Variants in DNAH7 observed in about 807,000 individuals in gnomAD.
The protein encoded by DNAH7 is dynein axonemal heavy chain 7.
DNAH7 carries 397 observed loss-of-function variants against 444.6 expected under a neutral mutation model. The observed-to-expected ratio is 0.89, with a 90% confidence interval of 0.82 to 0.97. The LOEUF (loss-of-function observed/expected upper bound fraction) is 0.97, where lower values mean the gene tolerates loss of function less well. Ranked by LOEUF, DNAH7 falls within the 50% of genes least tolerant of loss-of-function variation. The pLI is 0.00. For missense variants in DNAH7, 4,902 were observed against 4,800.8 expected (o/e 1.02, Z -0.62); for synonymous variants, 1,636 against 1,624.4 (o/e 1.01, Z -0.17).
rs1053109465 is a variant in DNAH7 at position 195,815,237 on chromosome 2, A to G, written c.9761+1391T>C. On this transcript the variant is annotated intron_variant, in intron 51 of 64. Coordinates refer to ENST00000312428, the MANE Select transcript of DNAH7 (RefSeq NM_018897.3). ...ATTTCAGAACTGGAAGAAATAAACT[A>G]AACATTTTCAAATATCATAAAGATG... Among the ~76,000 whole-genome samples, 4 of 152,254 alleles carry G rather than the reference A, an allele frequency of 2.6e-5. No homozygotes were observed. The East Asian group carries it at 7.7e-4, about 29-fold the overall frequency.
chr2:195,824,082 C>A (rs919903675), intron 49 of DNAH7, among the ~76,000 whole-genome samples, 173 bp downstream of exon 49: 1 of 152,124 alleles, frequency 6.6e-6, no homozygotes, highest in African/African-American at 2.4e-5. Context: ...TTATTACTTA[C>A]ATGTACTCAC....
chr2:195,976,747 CAGAGAG>C (rs60653466), intron 15 of DNAH7, among the ~76,000 whole-genome samples: 4,087 of 90,562 alleles, frequency 0.045, 189 homozygotes, highest in African/African-American at 0.12. Flanking sequence ...GAGAGGCAGA[CAGAGAG>C]AGAGAGAGAG....
chr2:195,808,981 T>C, intron 52 of DNAH7, 105 bp from the exon 53 acceptor site: 1 of 959,126 alleles, frequency 1.0e-6, no homozygotes, highest in Non-Finnish European at 1.5e-6. Flanking sequence ...AAGTTTCAGA[T>C]GTGGTCTCTA....
chr2:196,049,332 C>T (rs990730885), intron 3 of DNAH7, among the ~76,000 whole-genome samples: 22 of 152,180 alleles, frequency 1.4e-4, no homozygotes, highest in African/African-American at 4.6e-4. Flanking sequence ...ATTTTCCACC[C>T]GCCCTTCCCA....
chr2:196,004,075 T>C lies in DNAH7; in HGVS notation c.990-2217A>G, dbSNP rs562992176. ...GCATGATCCAAGGTGAAAGTCTTTT[T>C]AGAACTGAGGATGGAGAAGACAAGT... On this transcript the variant is annotated intron_variant, in intron 10 of 64. Coordinates refer to ENST00000312428, the MANE Select transcript of DNAH7 (RefSeq NM_018897.3). Among the ~76,000 whole-genome samples, 42 of 152,356 alleles carry C rather than the reference T, an allele frequency of 2.8e-4. No homozygotes were observed. The South Asian group carries it at 8.1e-3, about 29-fold the overall frequency.
chr2:195,844,360 A>G (rs1009532957), intron 47 of DNAH7, among the ~76,000 whole-genome samples: 4 of 152,162 alleles, frequency 2.6e-5, no homozygotes, highest in African/African-American at 9.7e-5. Flanking sequence ...CGAGTGATAA[A>G]AGGCTCACGG....
At chr2:195,964,876 C>CAAA (rs556506471) in intron 17 of DNAH7, among the ~76,000 whole-genome samples, 37 of 127,006 alleles carry the variant, frequency 2.9e-4, no homozygotes, top group African/African-American at 9.6e-4. Context: ...GACTCCGTCT[C>CAAA]AAAAAAAAAA....
chr2:195,810,453 G>T (rs1432852541), intron 51 of DNAH7, among the ~76,000 whole-genome samples: 1 of 151,866 alleles, frequency 6.6e-6, no homozygotes, highest in Non-Finnish European at 1.5e-5. Flanking sequence ...TGTCACCCAG[G>T]TTGGAGTGAG....
chr2:195,888,174 T>C lies in DNAH7; in HGVS notation c.5406+84A>G. On this transcript the variant is annotated intron_variant, in intron 33 of 64. Coordinates refer to ENST00000312428, the MANE Select transcript of DNAH7 (RefSeq NM_018897.3). ...TGATTTAATATCTCTTAGCTGATAA[T>C]AAAAACAGACATTAAAATTGATATG... The C allele has an allele frequency of 2.6e-6, 3 of 1,164,384 alleles. No individual in the cohort carries two copies. In the South Asian group the frequency reaches 4.7e-5, roughly 18 times the overall value. 72.1% of individuals were successfully genotyped at this position (1,164,384 alleles called of 1,614,324 possible). A position where few individuals can be genotyped will look rare whatever the true frequency, so the allele number is the denominator to read the frequency against.
intron 57 of DNAH7, 28 bp from the exon 58 acceptor site, chr2:195,787,199 CATT>C (rs767886833): frequency 6.4e-7 from 1 of 1,563,768 alleles, no homozygotes; most frequent in Admixed American, 2.2e-5. Flanking sequence ...GATGCCGCAT[CATT>C]ATTTTCTCCA....
chr2:195,798,737 G>A (rs971817401), intron 55 of DNAH7, among the ~76,000 whole-genome samples: 4 of 151,598 alleles, frequency 2.6e-5, no homozygotes, highest in Admixed American at 2.0e-4. Flanking sequence ...TAGTAGAGAC[G>A]GGGTTTCACC....
At chr2:195,793,058 T>G (rs1695965118) in intron 57 of DNAH7, among the ~76,000 whole-genome samples, 1 of 151,950 alleles carries the variant, frequency 6.6e-6, no homozygotes, top group Non-Finnish European at 1.5e-5. Flanking sequence ...GCCTCTCGAG[T>G]AGCTGGGACT....
chr2:196,033,955 CAACT>C (rs1217450790), intron 5 of DNAH7, among the ~76,000 whole-genome samples: 8 of 152,306 alleles, frequency 5.3e-5, no homozygotes, highest in Admixed American at 2.0e-4. Flanking sequence ...TAAAAACCTA[CAACT>C]AACATTTCAC....
chr2:196,012,243 T>C (rs1694765429), intron 10 of DNAH7, among the ~76,000 whole-genome samples: 1 of 152,190 alleles, frequency 6.6e-6, no homozygotes, highest in South Asian at 2.1e-4. Flanking sequence ...CAAAGCATAC[T>C]GTCTGATTCC....
Position 195,886,251 on chromosome 2 carries a change from T to C in DNAH7, c.5428A>G (p.Thr1810Ala). The stretch of plus-strand genomic sequence containing the variant: ...TTCATTAAGGACCGGACCAAGTTTG[T>C]ATCGGAAGTAGGAGATAATTCCTGA... ...HTKELSPTSD[T>A]NLVRSLMNLI... Residue 1810 changes from threonine to alanine, a missense_variant, in exon 34 of 65, where the codon ACA (threonine) becomes GCA (alanine). Coordinates refer to ENST00000312428, the MANE Select transcript of DNAH7 (RefSeq NM_018897.3). The C allele has an allele frequency of 6.2e-7, 1 of 1,612,348 alleles. No individual in the cohort carries two copies. The highest frequency in any genetic ancestry group is 8.5e-7 in the Non-Finnish European group (1 of 1,179,374).
chr2:195,808,549 A>T (rs1455384154), intron 53 of DNAH7, 133 bp downstream of exon 53: 34 of 1,040,846 alleles, frequency 3.3e-5, no homozygotes, highest in Non-Finnish European at 4.7e-5. Context: ...GGGGGATAAC[A>T]TAAATCAAAA....
At chr2:195,813,840 C>T (rs1047380397) in intron 51 of DNAH7, among the ~76,000 whole-genome samples, 3 of 152,148 alleles carry the variant, frequency 2.0e-5, no homozygotes, top group African/African-American at 7.2e-5. Flanking sequence ...AATTATACTT[C>T]CCCAACAATA....
In DNAH7 at chr2:195,969,271, A is replaced by G. The variant is rs575406062; in HGVS notation, c.2205+677T>C. ...TACAGAGTTTTTATTTTCTCCACGTATGTTGACATATTTGTGATTATTATA... is the reference window on the plus strand; with the variant it reads ...TACAGAGTTTTTATTTTCTCCACGTGTGTTGACATATTTGTGATTATTATA... On this transcript the variant is annotated intron_variant, in intron 17 of 64. Coordinates refer to ENST00000312428, the MANE Select transcript of DNAH7 (RefSeq NM_018897.3). 4.8e-4 allele frequency among the ~76,000 whole-genome samples: 73 copies of G among 152,310 alleles called. 1 individual carries two copies. The Middle Eastern group carries it at 0.014, about 28-fold the overall frequency.
intron 42 of DNAH7, among the ~76,000 whole-genome samples, chr2:195,859,185 C>G (rs1699884837): frequency 1.3e-5 from 2 of 152,052 alleles, no homozygotes; most frequent in Admixed American, 1.3e-4. Flanking sequence ...TTTTTATGAT[C>G]ACTTATTTTA....
Sources: gnomAD v4.1 joint callset for allele counts (sites outside exome capture counted in the v4.1 genomes callset) on GRCh38, gnomAD v4.1.1 for gene constraint, MANE v1.5 for transcripts, NCBI Gene and HGNC (gene_info 2026-07-23, HGNC 2026-07-21) for gene names.